Variants in COL28A1 observed in about 807,000 individuals in gnomAD.
The protein encoded by COL28A1 is collagen type XXVIII alpha 1 chain.
Under a neutral mutation model 150.2 loss-of-function variants are expected in COL28A1, and 161 were observed. The ratio of observed to expected loss-of-function variants is 1.07; its 90% CI spans 0.94 to 1.22. The LOEUF (loss-of-function observed/expected upper bound fraction) is 1.22, where lower values mean the gene tolerates loss of function less well. Among genes scored for constraint, COL28A1 ranks in the 50% most tolerant of loss-of-function variants. The pLI, the probability that COL28A1 is intolerant of heterozygous loss-of-function variation, is 0.00. For missense variants in COL28A1, 1,617 were observed against 1,388.3 expected (o/e 1.16, Z -2.62); for synonymous variants, 552 against 469.7 (o/e 1.18, Z -2.26).
At chr7:7,476,964 G>T in intron 14 of COL28A1, 148 bp downstream of exon 14, 1 of 579,352 alleles carries the variant, frequency 1.7e-6, no homozygotes, top group Non-Finnish European at 3.1e-6. Flanking sequence ...GCATTACAGG[G>T]AAATTTACAT....
At chr7:7,501,910 T>C (rs143756192) in intron 11 of COL28A1, among the ~76,000 whole-genome samples, 3 of 152,162 alleles carry the variant, frequency 2.0e-5, no homozygotes, top group African/African-American at 7.2e-5. Flanking sequence ...GTTTTTTTTC[T>C]TTTGAGACAG....
At chr7:7,345,634 G>A in the COL28A1 span, among the ~76,000 whole-genome samples, 1 of 151,944 alleles carries the variant, frequency 6.6e-6, no homozygotes, top group African/African-American at 2.4e-5. Context: ...CATCTTGACA[G>A]GTATTTGTCA....
chr7:7,399,829 C>T (rs182574480), intron 27 of COL28A1, among the ~76,000 whole-genome samples: 6 of 152,242 alleles, frequency 3.9e-5, no homozygotes, highest in East Asian at 3.9e-4. Context: ...AGGGAGTAAC[C>T]GCAAGTTAGA....
In COL28A1 at chr7:7,433,738, G is replaced by A. The variant is rs143052220; in HGVS notation, c.1861-1038C>T. Among the ~76,000 whole-genome samples the A allele has an allele frequency of 1.2e-4, 18 of 151,260 alleles. No individual in the cohort carries two copies. In the East Asian group the frequency reaches 2.9e-3, roughly 24 times the overall value. The stretch of plus-strand genomic sequence containing the variant: ...ACATATTCCACTGATCTGTTACACC[G>A]ATCTGTTGTTGATGACTCTTACAAC... On this transcript the variant is annotated intron_variant, in intron 23 of 34. Transcript: ENST00000399429.
intron 27 of COL28A1, among the ~76,000 whole-genome samples, chr7:7,403,615 T>G (rs1783337425): frequency 6.6e-6 from 1 of 152,184 alleles, no homozygotes; most frequent in Admixed American, 6.5e-5. Context: ...TTTTCTTAAA[T>G]GTATGTACTA....
At chr7:7,450,339 T>C (rs1054659631) in intron 18 of COL28A1, among the ~76,000 whole-genome samples, 1 of 152,206 alleles carries the variant, frequency 6.6e-6, no homozygotes, top group African/African-American at 2.4e-5. Flanking sequence ...AGAATATCTT[T>C]ATCAATCTCA....
intron 15 of COL28A1, among the ~76,000 whole-genome samples, chr7:7,464,014 T>G (rs1363539569): frequency 6.6e-6 from 1 of 152,202 alleles, no homozygotes; most frequent in African/African-American, 2.4e-5. Context: ...GTAGCCATTC[T>G]TATATCAGAC....
chr7:7,423,592 C>T (rs1216753078), intron 25 of COL28A1, among the ~76,000 whole-genome samples: 1 of 151,696 alleles, frequency 6.6e-6, no homozygotes, highest in Non-Finnish European at 1.5e-5. Context: ...GGAGAGAAGG[C>T]AAGATTTTTT....
intron 3 of COL28A1, among the ~76,000 whole-genome samples, chr7:7,528,144 A>C (rs1782134089): frequency 6.6e-6 from 1 of 152,158 alleles, no homozygotes. Context: ...ATCGTTCAGA[A>C]AAAAAGACAA....
At chr7:7,494,649 A>G (rs1348391807) in intron 11 of COL28A1, among the ~76,000 whole-genome samples, 1 of 152,252 alleles carries the variant, frequency 6.6e-6, no homozygotes, top group Admixed American at 6.5e-5. Context: ...ATTTATGTCT[A>G]TAATTGAATA....
At chr7:7,438,899 A>G (rs373742001) in intron 21 of COL28A1, among the ~76,000 whole-genome samples, 5 of 152,164 alleles carry the variant, frequency 3.3e-5, no homozygotes, top group African/African-American at 1.2e-4. Context: ...AAATAACTAA[A>G]TATCTTCCAT....
At chr7:7,427,869 C>T (rs774447958) in intron 25 of COL28A1, among the ~76,000 whole-genome samples, 14 of 152,146 alleles carry the variant, frequency 9.2e-5, no homozygotes, top group African/African-American at 1.2e-4. Context: ...AGATAGAAGA[C>T]GGACAGCATA....
At chr7:7,426,989 AC>A in intron 25 of COL28A1, among the ~76,000 whole-genome samples, 1 of 152,344 alleles carries the variant, frequency 6.6e-6, no homozygotes, top group Non-Finnish European at 1.5e-5. Flanking sequence ...ATCAAAAATA[AC>A]AATATGTTTA....
intron 28 of COL28A1, 51 bp downstream of exon 28, chr7:7,381,493 G>T: frequency 1.5e-6 from 2 of 1,303,152 alleles, no homozygotes; most frequent in Non-Finnish European, 2.2e-6. Flanking sequence ...TTAAAGTTAA[G>T]CTATTGCGAT....
chr7:7,361,733 CAT>C (rs917197655), intron 33 of COL28A1, among the ~76,000 whole-genome samples: 4 of 151,074 alleles, frequency 2.6e-5, no homozygotes, highest in Admixed American at 1.3e-4. Flanking sequence ...CACACGCACA[CAT>C]ATGTTTATTG....
intron 15 of COL28A1, among the ~76,000 whole-genome samples, chr7:7,460,850 C>T (rs141066484): frequency 6.6e-6 from 1 of 152,268 alleles, no homozygotes; most frequent in East Asian, 1.9e-4. Context: ...CATAACTCAT[C>T]CTACATAATA....
At chr7:7,381,188 G>T (rs879434381) in intron 28 of COL28A1, among the ~76,000 whole-genome samples, 1 of 152,026 alleles carries the variant, frequency 6.6e-6, no homozygotes, top group Non-Finnish European at 1.5e-5. Context: ...ATGGTATGTT[G>T]TAAGTATGTT....
At chr7:7,526,041 A>G (rs561497317) in intron 3 of COL28A1, among the ~76,000 whole-genome samples, 1 of 152,240 alleles carries the variant, frequency 6.6e-6, no homozygotes. Flanking sequence ...AGGAGGTCCT[A>G]TGGAGAAATA....
At chr7:7,370,415 C>A (rs1046694427) in intron 33 of COL28A1, among the ~76,000 whole-genome samples, 2 of 152,138 alleles carry the variant, frequency 1.3e-5, no homozygotes, top group Non-Finnish European at 1.5e-5. Context: ...TAGGTGAATT[C>A]AGAGTGTTGT....
Sources: allele counts gnomAD v4.1 joint callset (sites outside exome capture counted in the v4.1 genomes callset), GRCh38; gene constraint gnomAD v4.1.1; transcripts MANE v1.5; gene names NCBI Gene and HGNC (gene_info 2026-07-23, HGNC 2026-07-21).